Variants in MYO7A observed in about 807,000 individuals in gnomAD.
MYO7A encodes myosin VIIA, also known as unconventional myosin-VIIa.
Under a neutral mutation model 263.8 loss-of-function variants are expected in MYO7A, and 210 were observed. The observed-to-expected ratio is 0.80, with a 90% CI of 0.71 to 0.89. MYO7A has a LOEUF of 0.89. Among genes scored for constraint, MYO7A ranks in the 40% least tolerant of loss-of-function variants. The pLI is 0.00. For missense variants in MYO7A, 2,820 were observed against 2,968.3 expected, an observed-to-expected ratio of 0.95 and a Z score of 1.16; for synonymous variants, 1,239 against 1,197.3, an observed-to-expected ratio of 1.03 and a Z score of -0.72.
In MYO7A at chr11:77,182,535, A is replaced by G. The variant is rs1349119195; in HGVS notation, c.3220A>G (p.Ile1074Val). The G allele has an allele frequency of 6.2e-7, 1 of 1,613,280 alleles. No homozygotes were observed. Among genetic ancestry groups the G allele is most frequent in the Non-Finnish European group, 8.5e-7 (1 of 1,179,856 alleles). ...GSEKIPVMTKIYETLGKKTYK... is the reference protein window; with the variant it reads ...GSEKIPVMTKVYETLGKKTYK... ...TGAGAAGATCCCTGTGATGACCAAG[A>G]TTTATGAGACCCTGGGCAAGAAGAC... Residue 1074 changes from isoleucine to valine, a missense_variant, in exon 25 of 49, where the codon ATT becomes GTT. By Grantham distance (29) the Ile-to-Val change is conservative (BLOSUM62 3). Coordinates refer to ENST00000409709, the MANE Select transcript of MYO7A (RefSeq NM_000260.4).
chr11:77,188,143 G>A (rs1034658168), intron 27 of MYO7A, among the ~76,000 whole-genome samples: 4 of 152,188 alleles, frequency 2.6e-5, no homozygotes, highest in Admixed American at 6.5e-5. Flanking sequence ...GGCCTCACAC[G>A]GCTAATCCCT....
Position 77,182,101 on chromosome 11 carries a change from C to T in MYO7A, c.3055C>T (p.Arg1019Trp), listed in dbSNP as rs781904621. ...GGGGACAACCACGCACTCCTACACC[C>T]GGCGGCCACTCAAACAGCCACTGCT... is the stretch of plus-strand genomic sequence containing the variant. ...FQGTTTHSYT[R>W]RPLKQPLLYH... The change falls in exon 24 of 49, where the codon CGG becomes TGG. Residue 1019 changes from arginine (R) to tryptophan (W), a missense_variant. Coordinates refer to ENST00000409709, the MANE Select transcript of MYO7A (RefSeq NM_000260.4). 8.7e-6 allele frequency: 14 copies of T among 1,613,292 alleles called. No homozygotes were observed. The highest frequency in any genetic ancestry group is 3.3e-5 in the South Asian group (3 of 91,084).
In MYO7A at chr11:77,179,138, C is replaced by A; in HGVS notation, c.2367+9C>A. On this transcript the variant is annotated intron_variant, in intron 20 of 48. Coordinates refer to ENST00000409709, the MANE Select transcript of MYO7A (RefSeq NM_000260.4). ...GGAAGAACTACGGGCTGGTGAGCCT[C>A]CCCATGGGCTGCTCTTGCCCAAACA... The A allele has an allele frequency of 6.3e-7, 1 of 1,591,424 alleles. No homozygotes were observed. Among genetic ancestry groups the A allele is most frequent in the Non-Finnish European group, 8.6e-7 (1 of 1,169,050 alleles).
chr11:77,199,591 A>G lies in MYO7A; in HGVS notation c.4625A>G (p.His1542Arg), dbSNP rs1956916924. The change falls in exon 35 of 49, where the codon CAC (histidine) becomes CGC (arginine). Residue 1542 changes from histidine (H) to arginine (R), a missense_variant. His to Arg is a conservative substitution (Grantham distance 29). Transcript: ENST00000409709. ...GCSDLGCAAP[H>R]SGWAGLTPAG... The stretch of plus-strand genomic sequence containing the variant: ...TCTGATCTTGGCTGTGCTGCGCCTC[A>G]CTCAGGCTGGGCAGGACTGACCCCG... 1 of 1,582,760 alleles carries G rather than the reference A, an allele frequency of 6.3e-7. No homozygotes were observed. Among genetic ancestry groups the G allele is most frequent in the South Asian group, 1.2e-5 (1 of 86,658 alleles).
chr11:77,183,083 G>A lies in MYO7A; in HGVS notation c.3301G>A (p.Gly1101Ser). The A allele has an allele frequency of 6.4e-7, 1 of 1,551,510 alleles. No individual in the cohort carries two copies. The highest frequency in any genetic ancestry group is 8.7e-7 in the Non-Finnish European group (1 of 1,147,204). Residue 1101 changes from glycine to serine, a missense_variant, in exon 26 of 49, where the codon GGC becomes AGC. By Grantham distance (56) the Gly-to-Ser change is moderately conservative (BLOSUM62 0). Coordinates refer to ENST00000409709, the MANE Select transcript of MYO7A (RefSeq NM_000260.4). ...QGEGEAQLPE[G>S]QKKSSVRHKL... ...GGTCCTGCAGGCCCAGCTCCCCGAG[G>A]GCCAGAAGAAGAGCAGTGTGAGGCA... is the stretch of plus-strand genomic sequence containing the variant.
chr11:77,170,762 G>C (rs781874982), intron 15 of MYO7A, among the ~76,000 whole-genome samples: 8 of 152,282 alleles, frequency 5.3e-5, no homozygotes, highest in Non-Finnish European at 1.2e-4. Flanking sequence ...AGACGAGTTG[G>C]GGGGTTGCTG....
At chr11:77,165,690 C>A (rs1426766797) in intron 14 of MYO7A, among the ~76,000 whole-genome samples, 2 of 152,292 alleles carry the variant, frequency 1.3e-5, no homozygotes, top group African/African-American at 4.8e-5. Flanking sequence ...TGTACCAGAT[C>A]AACATGCATT....
In MYO7A at chr11:77,130,477, C is replaced by T. The variant is rs149887829; in HGVS notation, c.-46-112C>T. 5.8e-4 allele frequency: 447 copies of T among 768,068 alleles called. 3 individuals are homozygous for T. Among genetic ancestry groups the T allele is most frequent in the South Asian group, 5.4e-3 (316 of 58,500 alleles). 47.6% of individuals were successfully genotyped at this position (768,068 alleles called of 1,614,324 possible). ...GAGGGAGAGAAGCCAAGGAGGGTTC[C>T]CTTGAGGGAGGAGGAGCTGGGGCTT... On this transcript the variant is annotated intron_variant, in intron 1 of 48. Transcript: ENST00000409709.
chr11:77,165,930 G>GT lies in MYO7A; in HGVS notation c.1691-126_1691-125insT, dbSNP rs11374303. 252,988 of 671,676 alleles carry GT rather than the reference G, an allele frequency of 0.38. 52,886 individuals are homozygous for GT. Among genetic ancestry groups the GT allele is most frequent in the African/African-American group, 0.72 (40,011 of 55,636 alleles). The allele number at this position is 671,676 out of a possible 1,614,324, so 41.6% of individuals were successfully genotyped here. Reference sequence around the variant, plus strand: ...GTCTCTGTCCCCTCCAGGCCTCAGGGCCCCCGTCATGAAATGGATGTGGTG... The same window carrying GT: ...GTCTCTGTCCCCTCCAGGCCTCAGGGTCCCCCGTCATGAAATGGATGTGGTG... On this transcript the variant is annotated intron_variant, in intron 14 of 48. Transcript: ENST00000409709.
intron 4 of MYO7A, among the ~76,000 whole-genome samples, chr11:77,151,685 G>A (rs1421615585): frequency 1.3e-5 from 2 of 152,246 alleles, no homozygotes; most frequent in Non-Finnish European, 2.9e-5. Context: ...GGTCTGTGCT[G>A]GGCATTAATT....
intron 22 of MYO7A, among the ~76,000 whole-genome samples, chr11:77,181,176 G>A (rs535011466): frequency 4.7e-4 from 72 of 152,318 alleles, no homozygotes; most frequent in South Asian, 4.1e-4. Context: ...AGCCCTGAAG[G>A]ACGGGCAGGA....
intron 41 of MYO7A, among the ~76,000 whole-genome samples, chr11:77,206,587 G>A (rs995821863): frequency 3.3e-5 from 5 of 152,168 alleles, no homozygotes; most frequent in African/African-American, 4.8e-5. Context: ...CTTTCCTGCA[G>A]GCAGAACCTC....
intron 11 of MYO7A, 57 bp downstream of exon 11, chr11:77,160,339 T>A (rs1235051378): frequency 3.3e-6 from 5 of 1,526,332 alleles, no homozygotes; most frequent in Non-Finnish European, 4.4e-6. Flanking sequence ...GTTGGGCTCT[T>A]GATGGGCAGG....
At position 77,166,086 on chromosome 11, in the gene MYO7A, A is replaced by C. The variant is rs397516287; in HGVS notation, c.1721A>C (p.His574Pro). 6 of 1,613,870 alleles carry C rather than the reference A, an allele frequency of 3.7e-6. No homozygotes were observed. The highest frequency in any genetic ancestry group is 5.1e-6 in the Non-Finnish European group (6 of 1,179,864). The change falls in exon 15 of 49, where the codon CAT (histidine) becomes CCT (proline). Residue 574 changes from histidine to proline, a missense_variant. His to Pro is a moderately conservative substitution (Grantham distance 77, BLOSUM62 -2). Transcript: ENST00000409709. Reference sequence around the variant, plus strand: ...CTGGAGAAGAACCGAGACACCCTGCATGGGGACATTATCCAGCTGGTCCAC... The same window carrying C: ...CTGGAGAAGAACCGAGACACCCTGCCTGGGGACATTATCCAGCTGGTCCAC... ...GFLEKNRDTLHGDIIQLVHSS... is the reference protein window; with the variant it reads ...GFLEKNRDTLPGDIIQLVHSS...
At chr11:77,131,831 T>C (rs1950774864) in intron 2 of MYO7A, among the ~76,000 whole-genome samples, 2 of 152,186 alleles carry the variant, frequency 1.3e-5, no homozygotes, top group South Asian at 4.1e-4. Context: ...TCCTTGGTCC[T>C]GAAGAAAGCC....
intron 15 of MYO7A, among the ~76,000 whole-genome samples, 152 bp downstream of exon 15, chr11:77,166,314 G>C (rs1239654980): frequency 6.6e-6 from 1 of 152,200 alleles, no homozygotes; most frequent in Non-Finnish European, 1.5e-5. Flanking sequence ...GCCTGGAGGG[G>C]CCTCAAAGGT....
chr11:77,166,816 C>T (rs988085927), intron 15 of MYO7A, among the ~76,000 whole-genome samples: 4 of 152,220 alleles, frequency 2.6e-5, no homozygotes, highest in African/African-American at 9.6e-5. Context: ...GCTTCCAGGA[C>T]CCCAGACCTC....
At position 77,195,283 on chromosome 11, in the gene MYO7A, C is replaced by A. The variant is rs569375635; in HGVS notation, c.4323+759C>A. On this transcript the variant is annotated intron_variant, in intron 32 of 48. Coordinates refer to ENST00000409709, the MANE Select transcript of MYO7A (RefSeq NM_000260.4). ...CCTGAGTCCTGAGTGCTCCCTGCGC[C>A]AGCCTGCTTCCCCCGAGGCCCGAAC... 4.4e-4 allele frequency among the ~76,000 whole-genome samples: 67 copies of A among 152,244 alleles called. 1 individual carries two copies. The South Asian group carries it at 4.8e-3, about 11-fold the overall frequency.
chr11:77,140,557 C>T (rs1951150729), intron 2 of MYO7A, among the ~76,000 whole-genome samples: 1 of 152,050 alleles, frequency 6.6e-6, no homozygotes, highest in Non-Finnish European at 1.5e-5. Context: ...CCGAGGCCCG[C>T]TCTGGGCTGG....
Sources: gnomAD v4.1 joint callset for allele counts (sites outside exome capture counted in the v4.1 genomes callset) on GRCh38, gnomAD v4.1.1 for gene constraint, MANE v1.5 for transcripts, NCBI Gene and HGNC (gene_info 2026-07-23, HGNC 2026-07-21) for gene names.